SLC4A3: variants seen among roughly 807,000 people sequenced by gnomAD.
SLC4A3 encodes solute carrier family 4 member 3.
SLC4A3 carries 47 observed loss-of-function variants against 114.2 expected under a neutral mutation model. That is an observed-to-expected ratio of 0.41 (90% confidence interval 0.33 to 0.52). The LOEUF is 0.52. Among genes scored for constraint, SLC4A3 ranks in the 20% least tolerant of loss-of-function variants. SLC4A3 has a pLI of 0.21. For synonymous variants in SLC4A3, 693 were observed against 710.3 expected, an observed-to-expected ratio of 0.98 and a Z score of 0.39; for missense variants, 1,312 against 1,668.3, an observed-to-expected ratio of 0.79 and a Z score of 3.72.
intron 11 of SLC4A3, 50 bp from the exon 12 acceptor site, chr2:219,634,370 C>T (rs1222295652): frequency 6.3e-7 from 1 of 1,593,336 alleles, no homozygotes; most frequent in South Asian, 1.1e-5. Flanking sequence ...CCAGGGCCTG[C>T]CTTGACTGCT....
Position 219,638,888 on chromosome 2 carries a change from G to A in SLC4A3, c.3023+19G>A. 1 of 1,611,016 alleles carries A rather than the reference G, an allele frequency of 6.2e-7. No homozygotes were observed. The highest frequency in any genetic ancestry group is 8.5e-7 in the Non-Finnish European group (1 of 1,179,752). ...TCACGGCGTGAGAGAGATGGGAGGA[G>A]GAGGTGGGAGGGACGAGGCCAAGCT... On this transcript the variant is annotated intron_variant, in intron 19 of 22. Coordinates refer to ENST00000358055, the MANE Select transcript of SLC4A3 (RefSeq NM_005070.4). The surrounding 1 kb of genome is among the most constrained non-coding windows in gnomAD (Gnocchi z 7.5).
Position 219,636,454 on chromosome 2 carries a change from A to G in SLC4A3, c.2340+4A>G. Reference sequence around the variant, plus strand: ...GTTTGAGGAAGCCTTCTTCAAGGTGAGGCGAAGCCTTGCCCTGCTCCATCC... The same window carrying G: ...GTTTGAGGAAGCCTTCTTCAAGGTGGGGCGAAGCCTTGCCCTGCTCCATCC... On this transcript the variant is annotated splice_donor_region_variant and intron_variant, in intron 15 of 22. Transcript: ENST00000358055. The surrounding 1 kb of genome is among the most constrained non-coding windows in gnomAD (Gnocchi z 5.5). The G allele has an allele frequency of 6.2e-7, 1 of 1,600,960 alleles. No individual in the cohort carries two copies. The highest frequency in any genetic ancestry group is 1.1e-5 in the South Asian group (1 of 88,454).
At position 219,630,219 on chromosome 2, in the gene SLC4A3, G is replaced by A. The variant is rs764787712; in HGVS notation, c.678G>A (p.Ser226=). Residue 226 remains serine, a synonymous_variant, in exon 6 of 23, where the codon TCG becomes TCA. Coordinates refer to ENST00000358055, the MANE Select transcript of SLC4A3 (RefSeq NM_005070.4). The surrounding 1 kb of genome is among the most constrained non-coding windows in gnomAD (Gnocchi z 6.9). Reference sequence around the variant, plus strand: ...AGAAAAGCCGGCCCTGGAGCCCATCGGCCAGTTATGACCTGCGGGAGCGAC... The same window carrying A: ...AGAAAAGCCGGCCCTGGAGCCCATCAGCCAGTTATGACCTGCGGGAGCGAC... ...AGEKSRPWSP[S]ASYDLRERLC... 3.7e-6 allele frequency: 6 copies of A among 1,611,180 alleles called. No individual in the cohort carries two copies. The highest frequency in any genetic ancestry group is 4.2e-6 in the Non-Finnish European group (5 of 1,178,102).
At position 219,634,583 on chromosome 2, in the gene SLC4A3, TG is replaced by T. The variant is rs1438369911; in HGVS notation, c.1726del (p.Ala576ProfsTer23). 6.2e-7 allele frequency: 1 copy of T among 1,614,202 alleles called. No homozygotes were observed. The highest frequency in any genetic ancestry group is 1.3e-5 in the African/African-American group (1 of 75,074). ...ACTATCACGAGCTTGGGCGCTCCAT[TG>T]CCACCCTTATGTCTGACAAGGTTGG... ...TDYHELGRSI[A>X]TLMSDKLFHE... On this transcript the variant is annotated frameshift_variant, in exon 12 of 23. Coordinates refer to ENST00000358055, the MANE Select transcript of SLC4A3 (RefSeq NM_005070.4). LOFTEE classifies it high-confidence loss of function.
In SLC4A3 at chr2:219,628,559, G is replaced by A. The variant is rs755398012; in HGVS notation, c.206G>A (p.Arg69Gln). The A allele has an allele frequency of 1.7e-5, 28 of 1,612,546 alleles. No individual in the cohort carries two copies. The Admixed American group carries it at 2.3e-4, about 13-fold the overall frequency. Residue 69 changes from arginine (R) to glutamine (Q), a missense_variant, in exon 3 of 23, where the codon CGG becomes CAG. By Grantham distance (43) the Arg-to-Gln change is conservative. Coordinates refer to ENST00000358055, the MANE Select transcript of SLC4A3 (RefSeq NM_005070.4). This position sits in a 1 kb window ranked among gnomAD's most constrained non-coding sequence, Gnocchi z 4.8. ...AAGCCCAGCCGCAGCTACAGCGAGC[G>A]GGACTTTGAGTGTGGGTAGCCTGGG... ...PEKPSRSYSE[R>Q]DFEFHRHTSH...
In SLC4A3 at chr2:219,628,221, C is replaced by G. The variant is rs947623161; in HGVS notation, c.51+178C>G. On this transcript the variant is annotated intron_variant, in intron 2 of 22. Coordinates refer to ENST00000358055, the MANE Select transcript of SLC4A3 (RefSeq NM_005070.4). This position sits in a 1 kb window ranked among gnomAD's most constrained non-coding sequence, Gnocchi z 4.8. ...ATTTTCCAGATCCGTAGCCCTCTCT[C>G]TTTACAAGCTCTGGGAGCCCAGAGA... is the stretch of plus-strand genomic sequence containing the variant. 2.0e-5 allele frequency among the ~76,000 whole-genome samples: 3 copies of G among 152,076 alleles called. No homozygotes were observed. The South Asian group carries it at 6.2e-4, about 32-fold the overall frequency.
In SLC4A3 at chr2:219,630,228, T is replaced by G. The variant is rs752282516; in HGVS notation, c.687T>G (p.Tyr229Ter). The G allele has an allele frequency of 6.2e-7, 1 of 1,612,780 alleles. No homozygotes were observed. The part of the protein sequence containing the change: ...KSRPWSPSAS[Y>*]DLRERLCPGS... ...GGCCCTGGAGCCCATCGGCCAGTTA[T>G]GACCTGCGGGAGCGACTGTGCCCAG... Residue 229 changes from tyrosine to a stop codon, truncating the protein, a stop_gained, in exon 6 of 23, where the codon TAT becomes TAG. Coordinates refer to ENST00000358055, the MANE Select transcript of SLC4A3 (RefSeq NM_005070.4). LOFTEE classifies it high-confidence loss of function. This position sits in a 1 kb window ranked among gnomAD's most constrained non-coding sequence, Gnocchi z 6.9.
chr2:219,638,389 C>A lies in SLC4A3; in HGVS notation c.2856+136C>A. The A allele has an allele frequency of 1.4e-6, 1 of 721,368 alleles. No homozygotes were observed. The highest frequency in any genetic ancestry group is 2.4e-6 in the Non-Finnish European group (1 of 425,098). 44.7% of individuals were successfully genotyped at this position (721,368 alleles called of 1,614,324 possible). ...CCCAGTGGAGTGGCCGCCCTGGGGG[C>A]TGAGGGCCTTCCCCAGGGAGCCTGA... On this transcript the variant is annotated intron_variant, in intron 18 of 22. Coordinates refer to ENST00000358055, the MANE Select transcript of SLC4A3 (RefSeq NM_005070.4). This position sits in a 1 kb window ranked among gnomAD's most constrained non-coding sequence, Gnocchi z 7.5.
chr2:219,634,639 C>G (rs368543525), intron 12 of SLC4A3, 35 bp downstream of exon 12: 14 of 1,600,566 alleles, frequency 8.7e-6, no homozygotes, highest in Non-Finnish European at 1.2e-5. Flanking sequence ...GCCTCTTCTC[C>G]TAGGCCCTGC....
chr2:219,638,741 C>T lies in SLC4A3; in HGVS notation c.2895C>T (p.Pro965=), dbSNP rs372897461. 4.7e-5 allele frequency: 76 copies of T among 1,614,008 alleles called. No individual in the cohort carries two copies. The highest frequency in any genetic ancestry group is 1.5e-4 in the Admixed American group (9 of 60,006). ...CTACAGGGCTCTCAGTGACCTCTCC[C>T]GATAAGCGCTCGTGGTTCATCCCAC... ...TVPTGLSVTS[P]DKRSWFIPPL... is the part of the protein sequence containing the mutation. The change falls in exon 19 of 23, where the codon CCC becomes CCT. Residue 965 remains proline (P), a synonymous_variant. Transcript: ENST00000358055. The surrounding 1 kb of genome is among the most constrained non-coding windows in gnomAD (Gnocchi z 7.5).
In SLC4A3 at chr2:219,637,638, T is replaced by G. The variant is rs1699172790; in HGVS notation, c.2593T>G (p.Ser865Ala). 1 of 1,612,596 alleles carries G rather than the reference T, an allele frequency of 6.2e-7. No individual in the cohort carries two copies. The highest frequency in any genetic ancestry group is 1.7e-5 in the Admixed American group (1 of 59,918). Residue 865 changes from serine to alanine, a missense_variant, in exon 17 of 23, where the codon TCC (serine) becomes GCC (alanine). Transcript: ENST00000358055. This position sits in a 1 kb window ranked among gnomAD's most constrained non-coding sequence, Gnocchi z 4.6. ...CCCCCCTGAGGGGGCCCTGGAGGGGTCCCTGGATGCTGGTCTGGAGCCAAA... is the reference window on the plus strand; with the variant it reads ...CCCCCCTGAGGGGGCCCTGGAGGGGGCCCTGGATGCTGGTCTGGAGCCAAA... ...FYPPEGALEG[S>A]LDAGLEPNGS...
chr2:219,628,966 A>C lies in SLC4A3; in HGVS notation c.218-178A>C, dbSNP rs1432690258. ...CCCTGTCCATCCACCCTCTCCTCCC[A>C]CTCCACCAGACCTCATCAATGACAG... On this transcript the variant is annotated intron_variant, in intron 3 of 22. Transcript: ENST00000358055. The surrounding 1 kb of genome is among the most constrained non-coding windows in gnomAD (Gnocchi z 4.8). Among the ~76,000 whole-genome samples the C allele has an allele frequency of 2.0e-5, 3 of 148,474 alleles. No homozygotes were observed. The highest frequency in any genetic ancestry group is 2.0e-4 in the East Asian group (1 of 5,030).
At position 219,641,572 on chromosome 2, in the gene SLC4A3, C is replaced by A; in HGVS notation, c.3622-79C>A. ...AAAGGTCAGGGAGCAGGGAGGGCTG[C>A]AGGTTGGAGGAGGAGCTGGAGAATG... is the stretch of plus-strand genomic sequence containing the variant. On this transcript the variant is annotated intron_variant, in intron 22 of 22. Coordinates refer to ENST00000358055, the MANE Select transcript of SLC4A3 (RefSeq NM_005070.4). This position sits in a 1 kb window ranked among gnomAD's most constrained non-coding sequence, Gnocchi z 4.0. 8.8e-7 allele frequency: 1 copy of A among 1,135,736 alleles called. No homozygotes were observed. The highest frequency in any genetic ancestry group is 1.3e-5 in the South Asian group (1 of 78,100). 70.4% of individuals were successfully genotyped at this position (1,135,736 alleles called of 1,614,324 possible). A position where few individuals can be genotyped will look rare whatever the true frequency, so the allele number is the denominator to read the frequency against.
chr2:219,639,504 C>T lies in SLC4A3; in HGVS notation c.3046C>T (p.Arg1016Trp), dbSNP rs146850498. ...ITALIVSQKARRLLKGSGFHL... is the reference protein window; with the variant it reads ...ITALIVSQKAWRLLKGSGFHL... ...CAGGCTTATCGTCAGCCAGAAGGCG[C>T]GGAGGCTGCTCAAGGGCTCCGGTTT... Residue 1016 changes from arginine to tryptophan, a missense_variant, in exon 20 of 23, where the codon CGG becomes TGG. Transcript: ENST00000358055. This position sits in a 1 kb window ranked among gnomAD's most constrained non-coding sequence, Gnocchi z 5.9. 1.2e-6 allele frequency: 2 copies of T among 1,613,742 alleles called. No homozygotes were observed. The highest frequency in any genetic ancestry group is 1.7e-6 in the Non-Finnish European group (2 of 1,180,014).
At chr2:219,634,764 A>T (rs1009632410) in intron 12 of SLC4A3, among the ~76,000 whole-genome samples, 160 bp downstream of exon 12, 5 of 151,892 alleles carry the variant, frequency 3.3e-5, no homozygotes, top group African/African-American at 1.2e-4. Context: ...CCCAGGGGAG[A>T]AGAGAGAGCC....
In SLC4A3 at chr2:219,635,840, T is replaced by G; in HGVS notation, c.2140T>G (p.Phe714Val). The G allele has an allele frequency of 6.3e-7, 1 of 1,577,340 alleles. No homozygotes were observed. ...LHSQCVAAVL[F>V]IYFAALSPAI... is the part of the protein sequence containing the mutation. ...CTCCCAGTGTGTGGCCGCTGTGCTCTTCATCTACTTCGCAGCCCTCAGCCC... is the reference window on the plus strand; with the variant it reads ...CTCCCAGTGTGTGGCCGCTGTGCTCGTCATCTACTTCGCAGCCCTCAGCCC... The change falls in exon 14 of 23, where the codon TTC (phenylalanine) becomes GTC (valine). Residue 714 changes from phenylalanine (F) to valine (V), a missense_variant. By Grantham distance (50) the Phe-to-Val change is conservative (BLOSUM62 -1). Transcript: ENST00000358055.
Position 219,639,349 on chromosome 2 carries a change from G to A in SLC4A3, c.3024-133G>A. 1 of 1,071,508 alleles carries A rather than the reference G, an allele frequency of 9.3e-7. No individual in the cohort carries two copies. Among genetic ancestry groups the A allele is most frequent in the Non-Finnish European group, 1.3e-6 (1 of 742,332 alleles). 66.4% of individuals were successfully genotyped at this position (1,071,508 alleles called of 1,614,324 possible). On this transcript the variant is annotated intron_variant, in intron 19 of 22. Transcript: ENST00000358055. This position sits in a 1 kb window ranked among gnomAD's most constrained non-coding sequence, Gnocchi z 5.9. ...ACTTCAATTTGGGAACTTGAAAGAA[G>A]AAGCTGGCAGTCCTAGGGAGAACTG...
Position 219,628,660 on chromosome 2 carries a change from C to G in SLC4A3, c.217+90C>G. On this transcript the variant is annotated intron_variant, in intron 3 of 22. Coordinates refer to ENST00000358055, the MANE Select transcript of SLC4A3 (RefSeq NM_005070.4). This position sits in a 1 kb window ranked among gnomAD's most constrained non-coding sequence, Gnocchi z 4.8. ...CCGCGCTCACCTCCGGCTTGGTCAC[C>G]CAGTGCCATCCTGTGCCGGACACTG... 2.3e-6 allele frequency: 3 copies of G among 1,311,236 alleles called. No individual in the cohort carries two copies. The highest frequency in any genetic ancestry group is 3.2e-6 in the Non-Finnish European group (3 of 931,046). 81.2% of individuals were successfully genotyped at this position (1,311,236 alleles called of 1,614,324 possible). A position where few individuals can be genotyped will look rare whatever the true frequency, so the allele number is the denominator to read the frequency against.
At position 219,632,064 on chromosome 2, in the gene SLC4A3, C is replaced by T. The variant is rs977470378; in HGVS notation, c.908C>T (p.Pro303Leu). 4 of 1,613,848 alleles carry T rather than the reference C, an allele frequency of 2.5e-6. No individual in the cohort carries two copies. The highest frequency in any genetic ancestry group is 3.4e-6 in the Non-Finnish European group (4 of 1,179,954). ...GGRGSPSGLAPILRRKKKKKK... is the reference protein window; with the variant it reads ...GGRGSPSGLALILRRKKKKKK... ...AGGGGCAGTCCCAGCGGCCTGGCCC[C>T]CATCCTTCGCAGGAAGAAGAAGAAG... Residue 303 changes from proline to leucine, a missense_variant, in exon 7 of 23, where the codon CCC becomes CTC. Around this residue, in one of 4 missense-constraint regions of SLC4A3, gnomAD observed 771 missense variants for 977.7 expected, o/e 0.79. Coordinates refer to ENST00000358055, the MANE Select transcript of SLC4A3 (RefSeq NM_005070.4).
Sources: allele counts gnomAD v4.1 joint callset (sites outside exome capture counted in the v4.1 genomes callset), GRCh38; gene constraint gnomAD v4.1.1; regional missense constraint gnomAD v4.1.1; non-coding constraint Gnocchi (gnomAD v3.1); transcripts MANE v1.5; gene names NCBI Gene and HGNC (gene_info 2026-07-23, HGNC 2026-07-21).